GLG1: variants seen among roughly 807,000 people sequenced by gnomAD.
GLG1 encodes golgi glycoprotein 1.
GLG1 carries 38 observed loss-of-function variants against 160.5 expected under a neutral mutation model. The observed-to-expected ratio is 0.24, with a 90% CI of 0.18 to 0.31. GLG1 has a LOEUF of 0.31. GLG1 is among the 10% of genes least tolerant of loss of function. The pLI is 1.00. For synonymous variants in GLG1, 644 were observed against 543.4 expected (o/e 1.19, Z -2.57); for missense variants, 1,373 against 1,505.2 (o/e 0.91, Z 1.45).
At chr16:74,573,938 C>T (rs1379208153) in intron 1 of GLG1, among the ~76,000 whole-genome samples, 6 of 151,964 alleles carry the variant, frequency 3.9e-5, no homozygotes, top group Non-Finnish European at 7.4e-5. Context: ...GGATTACAGG[C>T]GCACACCACT....
chr16:74,531,498 G>GT (rs890252945), intron 2 of GLG1, among the ~76,000 whole-genome samples: 27 of 150,622 alleles, frequency 1.8e-4, no homozygotes, highest in Admixed American at 6.6e-4. Context: ...TTTGTTTTTT[G>GT]TTTTTTTTTA....
At chr16:74,468,257 GAC>G in intron 17 of GLG1, 1 of 86,650 alleles carries the variant, frequency 1.2e-5, no homozygotes, top group Non-Finnish European at 2.0e-5. Context: ...TTTTTTTGGA[GAC>G]AGAGTCTTGC....
At chr16:74,516,128 C>T (rs1239199760) in intron 2 of GLG1, among the ~76,000 whole-genome samples, 2 of 151,608 alleles carry the variant, frequency 1.3e-5, no homozygotes, top group Non-Finnish European at 2.9e-5. Flanking sequence ...ACCACACTGT[C>T]AACATTAGAC....
intron 2 of GLG1, among the ~76,000 whole-genome samples, chr16:74,510,354 GT>G (rs1567492800): frequency 6.6e-6 from 1 of 152,110 alleles, no homozygotes; most frequent in Non-Finnish European, 1.5e-5. Context: ...TTATACAACT[GT>G]TTTAACACAT....
chr16:74,583,533 C>A (rs1310304146), intron 1 of GLG1, among the ~76,000 whole-genome samples: 1 of 152,132 alleles, frequency 6.6e-6, no homozygotes, highest in Non-Finnish European at 1.5e-5. Context: ...GCGCACGCCA[C>A]CACACCTGGC....
At chr16:74,482,128 T>C (rs2015622715) in intron 10 of GLG1, among the ~76,000 whole-genome samples, 2 of 152,094 alleles carry the variant, frequency 1.3e-5, no homozygotes, top group Non-Finnish European at 2.9e-5. Flanking sequence ...TAGCTAGGAC[T>C]ACAGGTGCAC....
chr16:74,603,772 C>G (rs1033859712), intron 1 of GLG1, among the ~76,000 whole-genome samples: 3 of 152,148 alleles, frequency 2.0e-5, no homozygotes, highest in African/African-American at 7.2e-5. Context: ...GGTATTATTA[C>G]TCCACCTACT....
At chr16:74,467,638 T>C (rs919059222) in intron 18 of GLG1, 118 bp downstream of exon 18, 2 of 679,352 alleles carry the variant, frequency 2.9e-6, no homozygotes, top group Admixed American at 4.9e-5. Flanking sequence ...ATGGGTCCTG[T>C]CTCACCAGCA....
chr16:74,590,673 T>A (rs1958157170), intron 1 of GLG1, among the ~76,000 whole-genome samples: 1 of 148,844 alleles, frequency 6.7e-6, no homozygotes, highest in African/African-American at 2.5e-5. Flanking sequence ...ACCACATGCT[T>A]GTAATCCCAG....
chr16:74,493,969 G>A (rs2016092384), intron 6 of GLG1, among the ~76,000 whole-genome samples: 1 of 151,962 alleles, frequency 6.6e-6, no homozygotes, highest in Non-Finnish European at 1.5e-5. Context: ...GAGGTCAGGA[G>A]TTTGAGAGCA....
intron 25 of GLG1, among the ~76,000 whole-genome samples, chr16:74,454,700 A>AT (rs1184474871): frequency 1.2e-3 from 89 of 76,180 alleles, no homozygotes; most frequent in African/African-American, 2.3e-3. Flanking sequence ...AAAAAAAAAA[A>AT]TTTTTTTTTT....
intron 1 of GLG1, among the ~76,000 whole-genome samples, chr16:74,586,803 A>G (rs141898501): frequency 0.015 from 2,208 of 151,990 alleles, 14 homozygotes; most frequent in Middle Eastern, 0.037. Context: ...GGTTCAAGCA[A>G]TTCTGCCTCA....
Position 74,531,471 on chromosome 16 carries a change from G to A in GLG1, c.471+650C>T, listed in dbSNP as rs189923806. On this transcript the variant is annotated intron_variant, in intron 2 of 25. Transcript: ENST00000422840. ...GTAGCTGGGATTAAAGGCATGCACC[G>A]CCATGCCCAGCTAATTTTTGTTTTT... is the stretch of plus-strand genomic sequence containing the variant. 1.2e-4 allele frequency among the ~76,000 whole-genome samples: 19 copies of A among 152,110 alleles called. No individual in the cohort carries two copies. In the East Asian group the frequency reaches 1.5e-3, roughly 12 times the overall value.
intron 1 of GLG1, among the ~76,000 whole-genome samples, chr16:74,590,063 G>A (rs1236592336): frequency 6.6e-6 from 1 of 151,952 alleles, no homozygotes; most frequent in African/African-American, 2.4e-5. Flanking sequence ...GGAGTGCAGT[G>A]ACACGATCTC....
intron 4 of GLG1, among the ~76,000 whole-genome samples, chr16:74,497,404 A>T (rs182155947): frequency 1.1e-4 from 16 of 151,104 alleles, no homozygotes; most frequent in African/African-American, 3.2e-4. Context: ...TGTCTCTAAA[A>T]ACCAGGCATT....
rs777142091 is a variant in GLG1 at position 74,480,337 on chromosome 16, G to C, written c.1731C>G (p.Thr577=). ...CQGDASRLCH[T]HGWNETSEFM... ...ATTCACTGGTCTCATTCCAACCGTG[G>C]GTGTGGCAAAGACGAGAAGCGTCTC... Residue 577 remains threonine (T), a synonymous_variant, in exon 11 of 26, where the codon ACC becomes ACG. Coordinates refer to ENST00000422840, the MANE Select transcript of GLG1 (RefSeq NM_001145667.2). 1 of 1,613,078 alleles carries C rather than the reference G, an allele frequency of 6.2e-7. No individual in the cohort carries two copies. The highest frequency in any genetic ancestry group is 8.5e-7 in the Non-Finnish European group (1 of 1,179,034).
intron 18 of GLG1, 111 bp downstream of exon 18, chr16:74,467,645 A>T (rs1049407095): frequency 2.8e-6 from 2 of 711,620 alleles, no homozygotes; most frequent in African/African-American, 1.8e-5. Flanking sequence ...CTGTCTCACC[A>T]GCAAAAAATT....
Position 74,471,302 on chromosome 16 carries a change from T to G in GLG1, c.2116-16A>C. On this transcript the variant is annotated splice_polypyrimidine_tract_variant and intron_variant, in intron 14 of 25. Transcript: ENST00000422840. The stretch of plus-strand genomic sequence containing the variant: ...CTGCCACATCCTGGGGAAGACAGCA[T>G]GCATTTACACTTCATTGGTAACAAT... 7.6e-7 allele frequency: 1 copy of G among 1,324,100 alleles called. No individual in the cohort carries two copies. Among genetic ancestry groups the G allele is most frequent in the Non-Finnish European group, 1.1e-6 (1 of 915,304 alleles). 82.0% of individuals were successfully genotyped at this position (1,324,100 alleles called of 1,614,324 possible). A position where few individuals can be genotyped will look rare whatever the true frequency, so the allele number is the denominator to read the frequency against.
intron 5 of GLG1, among the ~76,000 whole-genome samples, chr16:74,495,864 G>A (rs567956924): frequency 1.3e-5 from 2 of 152,182 alleles, no homozygotes; most frequent in East Asian, 1.9e-4. Flanking sequence ...TCAAGGTTGA[G>A]CATCCAGTTA....
Sources: allele counts gnomAD v4.1 joint callset (sites outside exome capture counted in the v4.1 genomes callset), GRCh38; gene constraint gnomAD v4.1.1; transcripts MANE v1.5; gene names NCBI Gene and HGNC (gene_info 2026-07-23, HGNC 2026-07-21).